The following SMYD3 variants were observed in gnomAD, a reference collection of about 807,000 sequenced individuals.
SMYD3 encodes histone-lysine N-methyltransferase SMYD3.
Under a neutral mutation model 57.7 loss-of-function variants are expected in SMYD3, and 36 were observed. The observed-to-expected ratio is 0.62, with a 90% CI of 0.48 to 0.82. The LOEUF is 0.82. SMYD3 is among the 40% of genes least tolerant of loss of function. The pLI, the probability that SMYD3 is intolerant of heterozygous loss-of-function variation, is 0.00. For missense variants in SMYD3, 515 were observed against 538.8 expected (o/e 0.96, Z 0.44); for synonymous variants, 211 against 195.0 (o/e 1.08, Z -0.68).
intron 5 of SMYD3, among the ~76,000 whole-genome samples, chr1:246,316,037 C>T (rs765265478): frequency 8.6e-5 from 13 of 152,032 alleles, no homozygotes; most frequent in Non-Finnish European, 1.9e-4. Flanking sequence ...TTTGTTTTTT[C>T]CTCCCATGAA....
Position 246,496,739 on chromosome 1 carries a change from T to C in SMYD3, c.164+10315A>G, listed in dbSNP as rs373643886. On this transcript the variant is annotated intron_variant, in intron 1 of 11. Transcript: ENST00000490107. ...GCTACTCAAGGCTGAGGTAGGAGGA[T>C]GACTTCAGCCAGGAGGTTGAGGCTG... Among the ~76,000 whole-genome samples, 9 of 152,192 alleles carry C rather than the reference T, an allele frequency of 5.9e-5. No homozygotes were observed. The South Asian group carries it at 1.7e-3, about 28-fold the overall frequency.
At chr1:245,807,756 A>G (rs546069021) in intron 10 of SMYD3, among the ~76,000 whole-genome samples, 2 of 152,126 alleles carry the variant, frequency 1.3e-5, no homozygotes, top group African/African-American at 4.8e-5. Context: ...TGAATTATTA[A>G]AAGTCTATAG....
intron 5 of SMYD3, among the ~76,000 whole-genome samples, chr1:245,981,840 G>T (rs1572841116): frequency 6.6e-6 from 1 of 152,230 alleles, no homozygotes; most frequent in Non-Finnish European, 1.5e-5. Context: ...CAGAAAGAAA[G>T]AATTCCATAC....
chr1:246,036,430 T>A (rs12085683), intron 5 of SMYD3, among the ~76,000 whole-genome samples: 4,402 of 152,280 alleles, frequency 0.029, 215 homozygotes, highest in African/African-American at 0.1. Flanking sequence ...TGGGATGTTA[T>A]TTTATACATA....
At chr1:245,916,103 C>T (rs2055397130) in intron 7 of SMYD3, among the ~76,000 whole-genome samples, 1 of 151,720 alleles carries the variant, frequency 6.6e-6, no homozygotes, top group Admixed American at 6.6e-5. Flanking sequence ...TAAGGTCATC[C>T]AAATTTGGTA....
chr1:246,039,886 C>T (rs900376070), intron 5 of SMYD3, among the ~76,000 whole-genome samples: 6 of 152,166 alleles, frequency 3.9e-5, no homozygotes, highest in Admixed American at 2.0e-4. Flanking sequence ...CATCTTGCCA[C>T]TAGATCAAAA....
chr1:246,243,968 G>T (rs1014956166), intron 5 of SMYD3, among the ~76,000 whole-genome samples: 1 of 104,506 alleles, frequency 9.6e-6, no homozygotes, highest in Non-Finnish European at 2.0e-5. Context: ...CCAGCTACTT[G>T]GGAGACATAT....
intron 10 of SMYD3, among the ~76,000 whole-genome samples, chr1:245,819,072 C>A (rs2049013472): frequency 8.1e-6 from 1 of 122,730 alleles, no homozygotes; most frequent in South Asian, 3.3e-4. Context: ...ACTCTCCACC[C>A]CAAATCAACA....
At chr1:245,831,940 T>C (rs1286472512) in intron 10 of SMYD3, among the ~76,000 whole-genome samples, 1 of 152,102 alleles carries the variant, frequency 6.6e-6, no homozygotes, top group African/African-American at 2.4e-5. Context: ...GGTCAAAGAG[T>C]ACAGTTTGTT....
intron 5 of SMYD3, among the ~76,000 whole-genome samples, chr1:246,180,703 G>A (rs1460047647): frequency 7.2e-6 from 1 of 139,832 alleles, no homozygotes; most frequent in Non-Finnish European, 1.5e-5. Flanking sequence ...TGCTTGCAGT[G>A]AGCTGAGATC....
chr1:245,919,320 C>T (rs1181041878), intron 7 of SMYD3, among the ~76,000 whole-genome samples: 1 of 152,142 alleles, frequency 6.6e-6, no homozygotes, highest in African/African-American at 2.4e-5. Context: ...CTCCCTGAAC[C>T]CCAGCCTGTC....
At chr1:245,863,364 C>G (rs1400640728) in intron 9 of SMYD3, among the ~76,000 whole-genome samples, 1 of 152,168 alleles carries the variant, frequency 6.6e-6, no homozygotes, top group Non-Finnish European at 1.5e-5. Flanking sequence ...GTGCAGCAAT[C>G]CCCACTGCCA....
intron 5 of SMYD3, among the ~76,000 whole-genome samples, chr1:245,934,159 C>A (rs2056874260): frequency 6.6e-6 from 1 of 152,144 alleles, no homozygotes; most frequent in African/African-American, 2.4e-5. Flanking sequence ...AGACTTTAGG[C>A]ACATCAAGTT....
chr1:246,403,019 C>A (rs982288369), intron 1 of SMYD3, among the ~76,000 whole-genome samples: 1 of 152,178 alleles, frequency 6.6e-6, no homozygotes, highest in Non-Finnish European at 1.5e-5. Flanking sequence ...CCCATTCTAC[C>A]CGAACTGTCC....
chr1:246,146,550 G>T (rs1325993761), intron 5 of SMYD3, among the ~76,000 whole-genome samples: 15 of 152,196 alleles, frequency 9.9e-5, no homozygotes, highest in Non-Finnish European at 1.5e-5. Context: ...TCAGAATGGA[G>T]GGTATGCAGA....
At chr1:246,071,746 C>T (rs1165698096) in intron 5 of SMYD3, among the ~76,000 whole-genome samples, 5 of 152,170 alleles carry the variant, frequency 3.3e-5, no homozygotes, top group Non-Finnish European at 7.3e-5. Flanking sequence ...GGGAGGGATT[C>T]GAGTGCTTTC....
rs144793094 is a variant in SMYD3, at chr1:246,261,084, C to T, written c.531+66117G>A. ...TGTTGTTGTTGTTTATTTGAGACGGCGTCTCACTCTGTCACCCAGGCTGGA... is the reference window on the plus strand; with the variant it reads ...TGTTGTTGTTGTTTATTTGAGACGGTGTCTCACTCTGTCACCCAGGCTGGA... On this transcript the variant is annotated intron_variant, in intron 5 of 11. Coordinates refer to ENST00000490107, the MANE Select transcript of SMYD3 (RefSeq NM_001167740.2). 3.8e-3 allele frequency among the ~76,000 whole-genome samples: 572 copies of T among 151,874 alleles called. 1 individual carries two copies. Among genetic ancestry groups the T allele is most frequent in the Non-Finnish European group, 6.4e-3 (436 of 67,946 alleles).
chr1:246,227,376 G>A (rs947130619), intron 5 of SMYD3, among the ~76,000 whole-genome samples: 4 of 152,236 alleles, frequency 2.6e-5, no homozygotes, highest in African/African-American at 9.6e-5. Context: ...AGCACTTTGG[G>A]AGGCCAAGGC....
chr1:246,283,513 T>C (rs556177185), intron 5 of SMYD3, among the ~76,000 whole-genome samples: 2 of 152,276 alleles, frequency 1.3e-5, no homozygotes, highest in South Asian at 4.1e-4. Context: ...CTGCCAATAA[T>C]CAGAGCCATG....
Sources: gnomAD v4.1 joint callset for allele counts (sites outside exome capture counted in the v4.1 genomes callset) on GRCh38, gnomAD v4.1.1 for gene constraint, MANE v1.5 for transcripts, NCBI Gene and HGNC (gene_info 2026-07-23, HGNC 2026-07-21) for gene names.